CSMD1: variants seen among roughly 807,000 people sequenced by gnomAD.
CSMD1 encodes the protein CUB and Sushi multiple domains 1, also known as CUB and sushi domain-containing protein 1.
In CSMD1, 213 loss-of-function variants were observed where a neutral mutation model predicts 417.5. The observed-to-expected ratio is 0.51, with a 90% CI of 0.46 to 0.57. The LOEUF (loss-of-function observed/expected upper bound fraction) is 0.57, where lower values mean the gene tolerates loss of function less well. CSMD1 is among the 20% of genes least tolerant of loss of function. CSMD1 has a pLI of 0.00. For synonymous variants in CSMD1, 2,862 were observed against 1,736.8 expected (o/e 1.65, Z -16.11); for missense variants, 6,923 against 4,529.7 (o/e 1.53, Z -15.17).
At chr8:4,812,863 G>C (rs1031498685) in intron 1 of CSMD1, among the ~76,000 whole-genome samples, 3 of 152,004 alleles carry the variant, frequency 2.0e-5, no homozygotes, top group African/African-American at 4.8e-5. Flanking sequence ...ATATGTTATC[G>C]CTATGTTTTA....
chr8:3,836,532 G>C (rs1258415226), intron 5 of CSMD1, among the ~76,000 whole-genome samples: 2 of 152,128 alleles, frequency 1.3e-5, no homozygotes, highest in African/African-American at 2.4e-5. Context: ...TTTAGAGCAA[G>C]AACTAGGATG....
chr8:3,034,796 T>G (rs563198534), intron 50 of CSMD1, among the ~76,000 whole-genome samples: 5 of 152,122 alleles, frequency 3.3e-5, no homozygotes, highest in African/African-American at 1.2e-4. Context: ...ACATTAAACA[T>G]TATAGACTAG....
At position 3,052,461 on chromosome 8, in the gene CSMD1, C is replaced by T. The variant is rs747720579; in HGVS notation, c.7660+1G>A. 10 of 1,565,862 alleles carry T rather than the reference C, an allele frequency of 6.4e-6. No homozygotes were observed. The highest frequency in any genetic ancestry group is 1.2e-5 in the South Asian group (1 of 85,012). On this transcript the variant is annotated splice_donor_variant, in intron 50 of 69. Transcript: ENST00000635120. LOFTEE classifies it high-confidence loss of function. ...ATGGGCAGATGCCCCTGAACACTTA[C>T]GCTTACACGTGGGCGGCTTCCCCTT...
rs189827216 is a variant in CSMD1 at position 3,676,062 on chromosome 8, G to T, written c.1009+32352C>A. Among the ~76,000 whole-genome samples, 1,021 of 152,300 alleles carry T rather than the reference G, an allele frequency of 6.7e-3. 3 individuals carry two copies. The highest frequency in any genetic ancestry group is 0.017 in the Middle Eastern group (5 of 294). On this transcript the variant is annotated intron_variant, in intron 7 of 69. Coordinates refer to ENST00000635120, the MANE Select transcript of CSMD1 (RefSeq NM_033225.6). ...ATATAGGCATAGGAAGTCATCATTT[G>T]ATTAGCACCTGTATCTCTTAATTAA...
intron 3 of CSMD1, among the ~76,000 whole-genome samples, chr8:4,117,242 C>G (rs1408730616): frequency 8.2e-6 from 1 of 122,312 alleles, no homozygotes; most frequent in Non-Finnish European, 1.8e-5. Flanking sequence ...TTTCTGTCTG[C>G]TTTCCTCTCA....
chr8:4,747,642 T>C (rs567245129), intron 1 of CSMD1, among the ~76,000 whole-genome samples: 17 of 152,304 alleles, frequency 1.1e-4, no homozygotes, highest in Admixed American at 7.8e-4. Context: ...ATCAACCTTC[T>C]GCTTTATACT....
intron 1 of CSMD1, among the ~76,000 whole-genome samples, chr8:4,734,318 G>C (rs1448700008): frequency 6.6e-6 from 1 of 151,996 alleles, no homozygotes; most frequent in South Asian, 2.1e-4. Context: ...ATTGTTTATG[G>C]ATGTGAATTT....
At chr8:4,898,599 G>T (rs537783113) in intron 1 of CSMD1, among the ~76,000 whole-genome samples, 1 of 152,140 alleles carries the variant, frequency 6.6e-6, no homozygotes, top group African/African-American at 2.4e-5. Flanking sequence ...TCTTTGAATG[G>T]CTAATAACGA....
At chr8:4,842,793 T>G (rs1800918458) in intron 1 of CSMD1, among the ~76,000 whole-genome samples, 1 of 152,254 alleles carries the variant, frequency 6.6e-6, no homozygotes, top group Admixed American at 6.5e-5. Context: ...TACACATTAA[T>G]GGTAACAATT....
chr8:3,465,164 T>C (rs542915573), intron 12 of CSMD1, among the ~76,000 whole-genome samples: 2 of 152,140 alleles, frequency 1.3e-5, no homozygotes, highest in African/African-American at 2.4e-5. Flanking sequence ...GGGATCCCTG[T>C]TGTTTTTCAG....
At chr8:3,493,312 AGG>A (rs35321077) in intron 11 of CSMD1, among the ~76,000 whole-genome samples, 5,975 of 126,314 alleles carry the variant, frequency 0.047, 165 homozygotes, top group African/African-American at 0.063. Flanking sequence ...AAAAAAAAAA[AGG>A]GGGGGCGGAG....
intron 2 of CSMD1, among the ~76,000 whole-genome samples, chr8:4,483,686 G>A (rs950319065): frequency 3.3e-5 from 5 of 152,064 alleles, no homozygotes; most frequent in African/African-American, 1.2e-4. Flanking sequence ...TGTAAGAAAA[G>A]CACTGATTTT....
intron 1 of CSMD1, among the ~76,000 whole-genome samples, chr8:4,953,935 C>A (rs1563856802): frequency 6.6e-6 from 1 of 152,084 alleles, no homozygotes; most frequent in Admixed American, 6.6e-5. Flanking sequence ...TTAAAAAGCT[C>A]TCCTGGTGCA....
At chr8:3,675,723 G>A (rs767484446) in intron 7 of CSMD1, among the ~76,000 whole-genome samples, 2 of 152,034 alleles carry the variant, frequency 1.3e-5, no homozygotes, top group African/African-American at 2.4e-5. Context: ...GAATCTATAA[G>A]CACCTTGATC....
chr8:4,056,148 C>G (rs554119642), intron 3 of CSMD1, among the ~76,000 whole-genome samples: 58 of 139,190 alleles, frequency 4.2e-4, no homozygotes, highest in Non-Finnish European at 6.5e-4. Context: ...GTGGCACCAT[C>G]TTGGCTTACT....
chr8:4,021,961 A>C (rs964904677), intron 4 of CSMD1, among the ~76,000 whole-genome samples: 1 of 151,930 alleles, frequency 6.6e-6, no homozygotes, highest in African/African-American at 2.4e-5. Context: ...AACTAGCTTC[A>C]GTCAAGTGCT....
At chr8:3,930,410 CCAAG>C (rs1422829192) in intron 5 of CSMD1, among the ~76,000 whole-genome samples, 1 of 150,636 alleles carries the variant, frequency 6.6e-6, no homozygotes, top group Non-Finnish European at 1.5e-5. Flanking sequence ...TTATACTGGT[CCAAG>C]CAAGCATTAG....
intron 4 of CSMD1, 66 bp from the exon 5 acceptor site, chr8:3,998,176 A>G: frequency 1.5e-6 from 2 of 1,352,164 alleles, no homozygotes; most frequent in Non-Finnish European, 2.0e-6. Flanking sequence ...GAGTGTGTCC[A>G]CCAAGTGTCA....
intron 38 of CSMD1, among the ~76,000 whole-genome samples, chr8:3,159,143 C>T (rs1819725126): frequency 6.6e-6 from 1 of 152,116 alleles, no homozygotes; most frequent in African/African-American, 2.4e-5. Context: ...TTACAAATTT[C>T]CTTCTGAAAT....
Sources: gnomAD v4.1 joint callset for allele counts (sites outside exome capture counted in the v4.1 genomes callset) on GRCh38, gnomAD v4.1.1 for gene constraint, MANE v1.5 for transcripts, NCBI Gene and HGNC (gene_info 2026-07-23, HGNC 2026-07-21) for gene names.